SMAD5: variants seen among roughly 807,000 people sequenced by gnomAD.
SMAD5 encodes the protein MAD, mothers against decapentaplegic homolog 5.
Under a neutral mutation model 43.1 loss-of-function variants are expected in SMAD5, and 9 were observed. That is an observed-to-expected ratio of 0.21 (90% CI 0.13 to 0.36). The LOEUF is 0.36. SMAD5 is among the 10% of genes least tolerant of loss of function. SMAD5 has a pLI of 1.00. For synonymous variants in SMAD5, 190 were observed against 192.4 expected (o/e 0.99, Z 0.10); for missense variants, 348 against 574.0 (o/e 0.61, Z 4.02).
At chr5:136,135,059 C>G (rs981819617) in intron 1 of SMAD5, among the ~76,000 whole-genome samples, 28 of 152,158 alleles carry the variant, frequency 1.8e-4, no homozygotes, top group Non-Finnish European at 4.4e-5. Context: ...GTAGTATTAT[C>G]TGCGTGTCTG....
chr5:136,135,708 G>A (rs1752850853), intron 1 of SMAD5, among the ~76,000 whole-genome samples: 1 of 152,192 alleles, frequency 6.6e-6, no homozygotes, highest in Non-Finnish European at 1.5e-5. Context: ...ATTACCAGAT[G>A]TATATGTTGG....
intron 1 of SMAD5, among the ~76,000 whole-genome samples, chr5:136,136,118 TG>T (rs879835902): frequency 6.6e-6 from 1 of 152,186 alleles, no homozygotes; most frequent in Non-Finnish European, 1.5e-5. Flanking sequence ...CCAAGGAAGC[TG>T]GGATGCAATA....
At chr5:136,143,727 G>A (rs1235716315) in intron 1 of SMAD5, among the ~76,000 whole-genome samples, 1 of 151,826 alleles carries the variant, frequency 6.6e-6, no homozygotes, top group Non-Finnish European at 1.5e-5. Flanking sequence ...TATATGACAA[G>A]CAGTTATTCT....
intron 1 of SMAD5, among the ~76,000 whole-genome samples, chr5:136,137,871 C>T (rs568098229): frequency 2.6e-5 from 4 of 152,324 alleles, no homozygotes; most frequent in African/African-American, 7.2e-5. Context: ...CATGAGTTCT[C>T]TGGAGAACAT....
chr5:136,137,419 G>GA (rs1182295236), intron 1 of SMAD5, among the ~76,000 whole-genome samples: 1 of 152,044 alleles, frequency 6.6e-6, no homozygotes, highest in Non-Finnish European at 1.5e-5. Flanking sequence ...GAAAATAATA[G>GA]AAAAAAACTA....
chr5:136,153,875 G>A lies in SMAD5; in HGVS notation c.115G>A (p.Val39Met), dbSNP rs775461350. The change falls in exon 3 of 8, where the codon GTG (valine) becomes ATG (methionine). Residue 39 changes from valine (V) to methionine (M), a missense_variant. Around this residue, in one of 5 missense-constraint regions of SMAD5, gnomAD observed 39 missense variants for 78.5 expected, o/e 0.50. Transcript: ENST00000545279. ...GGCAGAAAAGGCAGTTGATGCTTTG[G>A]TGAAGAAACTAAAAAAGAAAAAGGG... ...KWAEKAVDAL[V>M]KKLKKKKGAM... The A allele has an allele frequency of 3.7e-6, 6 of 1,613,812 alleles. No homozygotes were observed. Among genetic ancestry groups the A allele is most frequent in the Non-Finnish European group, 4.2e-6 (5 of 1,179,876 alleles).
chr5:136,145,227 G>C (rs1753220547), intron 1 of SMAD5, among the ~76,000 whole-genome samples: 1 of 151,814 alleles, frequency 6.6e-6, no homozygotes, highest in African/African-American at 2.4e-5. Context: ...TACAGGCATG[G>C]CTCTGACTTG....
At position 136,165,662 on chromosome 5, in the gene SMAD5, A is replaced by ATTTTT. The variant is rs58156387; in HGVS notation, c.775+2304_775+2308dup. Among the ~76,000 whole-genome samples, 11 of 65,446 alleles carry ATTTTT rather than the reference A, an allele frequency of 1.7e-4. 1 individual carries two copies. Among genetic ancestry groups the ATTTTT allele is most frequent in the Non-Finnish European group, 2.4e-4 (8 of 33,256 alleles). 42.9% of individuals were successfully genotyped at this position (65,446 alleles called of 152,430 possible). A position where few individuals can be genotyped will look rare whatever the true frequency, so the allele number is the denominator to read the frequency against. On this transcript the variant is annotated intron_variant, in intron 5 of 7. Coordinates refer to ENST00000545279, the MANE Select transcript of SMAD5 (RefSeq NM_005903.7). Reference sequence around the variant, plus strand: ...TACTTCATATAAATGGAATCATACAATTTTTTTTTTTTTTTTTTTTTTTTT... The same window carrying ATTTTT: ...TACTTCATATAAATGGAATCATACAATTTTTTTTTTTTTTTTTTTTTTTTTTTTTT...
chr5:136,172,213 G>A (rs1561657779), intron 5 of SMAD5, among the ~76,000 whole-genome samples: 1 of 152,164 alleles, frequency 6.6e-6, no homozygotes, highest in Non-Finnish European at 1.5e-5. Flanking sequence ...GACTATTGCC[G>A]ATCCTGGTAT....
At position 136,161,014 on chromosome 5, in the gene SMAD5, T is replaced by C. The variant is rs1047174419; in HGVS notation, c.562T>C (p.Ser188Pro). 4.3e-6 allele frequency: 7 copies of C among 1,613,552 alleles called. No homozygotes were observed. The African/African-American group carries it at 6.7e-5, about 15-fold the overall frequency. The change falls in exon 4 of 8, where the codon TCT (serine) becomes CCT (proline). Residue 188 changes from serine to proline, a missense_variant. Physicochemically the swap from Ser to Pro is moderately conservative, Grantham distance 74. Coordinates refer to ENST00000545279, the MANE Select transcript of SMAD5 (RefSeq NM_005903.7). The part of the protein sequence containing the change: ...HQPNNTPFPL[S>P]PNSPYPPSPA... Reference sequence around the variant, plus strand: ...GCCCAACAACACTCCTTTTCCCTTATCTCCAAACAGCCCTTATCCCCCTTC... The same window carrying C: ...GCCCAACAACACTCCTTTTCCCTTACCTCCAAACAGCCCTTATCCCCCTTC...
intron 1 of SMAD5, among the ~76,000 whole-genome samples, chr5:136,140,604 C>G (rs1446403091): frequency 6.6e-6 from 1 of 152,016 alleles, no homozygotes; most frequent in Non-Finnish European, 1.5e-5. Context: ...TTGGCTCACT[C>G]TTTTATTTCC....
intron 3 of SMAD5, among the ~76,000 whole-genome samples, chr5:136,158,932 G>A (rs746500696): frequency 3.9e-5 from 6 of 151,970 alleles, no homozygotes; most frequent in Non-Finnish European, 8.8e-5. Context: ...AAGGGAAAAC[G>A]TAGAGTGAAT....
chr5:136,176,463 A>G (rs1371931000), intron 7 of SMAD5, among the ~76,000 whole-genome samples: 1 of 73,312 alleles, frequency 1.4e-5, no homozygotes, highest in Admixed American at 1.2e-4. Flanking sequence ...CTCACAAAAA[A>G]AAAAAAAAAA....
rs745832406 is a variant in SMAD5, at chr5:136,174,527, T to C, written c.1149T>C (p.Phe383=). The change falls in exon 7 of 8, where the codon TTT becomes TTC. Residue 383 remains phenylalanine (F), a synonymous_variant. Transcript: ENST00000545279. ...CCAGCAGCTGCAGCCTCAAAATTTT[T>C]AACAATCAGGAGTTTGCTCAGCTTC... ...KIPSSCSLKI[F]NNQEFAQLLA... is the part of the protein sequence containing the mutation. 1.2e-6 allele frequency: 2 copies of C among 1,613,756 alleles called. No individual in the cohort carries two copies. Among genetic ancestry groups the C allele is most frequent in the South Asian group, 2.2e-5 (2 of 91,074 alleles).
intron 3 of SMAD5, among the ~76,000 whole-genome samples, chr5:136,158,666 G>A (rs1205379283): frequency 6.6e-6 from 1 of 152,266 alleles, no homozygotes; most frequent in African/African-American, 2.4e-5. Flanking sequence ...TTGGGAGGCC[G>A]AGGTGGGCAG....
chr5:136,171,349 G>A (rs1241547749), intron 5 of SMAD5, among the ~76,000 whole-genome samples: 4 of 152,158 alleles, frequency 2.6e-5, no homozygotes, highest in Admixed American at 2.6e-4. Flanking sequence ...ACCTGAATTA[G>A]TTTATGTTAG....
intron 7 of SMAD5, among the ~76,000 whole-genome samples, chr5:136,175,601 A>G (rs528651844): frequency 2.2e-4 from 34 of 152,334 alleles, no homozygotes; most frequent in East Asian, 9.6e-4. Flanking sequence ...TATTTAAGCA[A>G]TCTGTACTGT....
intron 7 of SMAD5, among the ~76,000 whole-genome samples, chr5:136,176,152 T>G (rs1222955384): frequency 1.3e-5 from 2 of 151,596 alleles, no homozygotes; most frequent in Non-Finnish European, 2.9e-5. Context: ...AAAAAATTTT[T>G]CGTTAAAAAA....
chr5:136,175,833 A>G (rs1192234205), intron 7 of SMAD5, among the ~76,000 whole-genome samples: 2 of 152,036 alleles, frequency 1.3e-5, no homozygotes, highest in Non-Finnish European at 1.5e-5. Context: ...ACTTTTGCAT[A>G]TTTATTTTAA....
Sources: gnomAD v4.1 joint callset for allele counts (sites outside exome capture counted in the v4.1 genomes callset) on GRCh38, gnomAD v4.1.1 for gene constraint, gnomAD v4.1.1 regional missense constraint, MANE v1.5 for transcripts, NCBI Gene and HGNC (gene_info 2026-07-23, HGNC 2026-07-21) for gene names.